The following UTRN variants were observed in gnomAD, a reference collection of about 807,000 sequenced individuals.
UTRN encodes the protein dystrophin-related protein 1.
Under a neutral mutation model 463.9 loss-of-function variants are expected in UTRN, and 283 were observed. That is an observed-to-expected ratio of 0.61 (90% confidence interval 0.55 to 0.67). The LOEUF is 0.67. Among genes scored for constraint, UTRN ranks in the 30% least tolerant of loss-of-function variants. UTRN has a pLI of 0.00. For synonymous variants in UTRN, 1,442 were observed against 1,431.5 expected, an observed-to-expected ratio of 1.01 and a Z score of -0.17; for missense variants, 3,922 against 4,084.3, an observed-to-expected ratio of 0.96 and a Z score of 1.08.
intron 2 of UTRN, among the ~76,000 whole-genome samples, chr6:144,331,692 A>C (rs932192033): frequency 1.3e-5 from 2 of 152,154 alleles, no homozygotes; most frequent in Admixed American, 1.3e-4. Flanking sequence ...GCAGGCTTTC[A>C]AACGCAGCGA....
intron 9 of UTRN, among the ~76,000 whole-genome samples, chr6:144,432,126 T>A (rs991059011): frequency 2.0e-4 from 31 of 152,218 alleles, no homozygotes; most frequent in African/African-American, 7.2e-4. Flanking sequence ...CCTAATGCTA[T>A]TTAAAGACTT....
At chr6:144,463,884 T>G (rs1052471998) in intron 23 of UTRN, among the ~76,000 whole-genome samples, 7 of 151,218 alleles carry the variant, frequency 4.6e-5, no homozygotes, top group African/African-American at 1.7e-4. Flanking sequence ...TCTATATATA[T>G]AGGGAGATGT....
At chr6:144,709,028 T>C (rs1785381276) in intron 53 of UTRN, among the ~76,000 whole-genome samples, 1 of 152,204 alleles carries the variant, frequency 6.6e-6, no homozygotes, top group Non-Finnish European at 1.5e-5. Context: ...ATTAGTCCAT[T>C]CATGAAGGTC....
At chr6:144,691,796 G>A (rs955241293) in intron 52 of UTRN, among the ~76,000 whole-genome samples, 3 of 152,000 alleles carry the variant, frequency 2.0e-5, no homozygotes, top group Non-Finnish European at 4.4e-5. Flanking sequence ...CTTAAAATTG[G>A]CATTGTGATT....
At chr6:144,516,475 A>G in intron 38 of UTRN, 88 bp downstream of exon 38, 1 of 1,399,258 alleles carries the variant, frequency 7.1e-7, no homozygotes, top group African/African-American at 1.5e-5. Context: ...TGCCCATATA[A>G]TCTGTCAAAC....
chr6:144,500,326 T>C (rs1332186490), intron 34 of UTRN, among the ~76,000 whole-genome samples: 1 of 152,230 alleles, frequency 6.6e-6, no homozygotes. Flanking sequence ...TGTGAGATGG[T>C]ATCTCATTGT....
intron 9 of UTRN, among the ~76,000 whole-genome samples, chr6:144,432,974 A>C (rs1236415807): frequency 6.6e-6 from 1 of 152,162 alleles, no homozygotes; most frequent in Non-Finnish European, 1.5e-5. Flanking sequence ...TGGACACAGC[A>C]CATGTTTCAG....
chr6:144,772,207 G>T (rs765705982), intron 59 of UTRN, among the ~76,000 whole-genome samples: 2 of 150,766 alleles, frequency 1.3e-5, no homozygotes, highest in Non-Finnish European at 3.0e-5. Flanking sequence ...CTAATTTTTC[G>T]TATTTTAATA....
intron 2 of UTRN, among the ~76,000 whole-genome samples, chr6:144,365,217 G>A (rs1779410413): frequency 6.6e-6 from 1 of 152,130 alleles, no homozygotes; most frequent in Admixed American, 6.5e-5. Flanking sequence ...GCTTTCTCCT[G>A]AAATAAATTT....
intron 44 of UTRN, among the ~76,000 whole-genome samples, chr6:144,538,981 G>A (rs1203201297): frequency 2.0e-5 from 3 of 152,140 alleles, no homozygotes; most frequent in Admixed American, 1.3e-4. Context: ...TTAGGATGGA[G>A]TAGCAAGGAG....
Position 144,301,071 on chromosome 6 carries a change from C to A in UTRN, c.79+9164C>A, listed in dbSNP as rs941011590. Among the ~76,000 whole-genome samples, 5 of 151,944 alleles carry A rather than the reference C, an allele frequency of 3.3e-5. No homozygotes were observed. The East Asian group carries it at 9.7e-4, about 29-fold the overall frequency. On this transcript the variant is annotated intron_variant, in intron 2 of 74. Transcript: ENST00000367545. ...AGCCCAGCTTTTTCGGTGGGGGGCT[C>A]ATAAATAAAACTGTGTGTGTTCTAG... is the stretch of plus-strand genomic sequence containing the variant.
chr6:144,596,304 G>C (rs1562624988), intron 51 of UTRN, among the ~76,000 whole-genome samples: 1 of 152,152 alleles, frequency 6.6e-6, no homozygotes, highest in East Asian at 1.9e-4. Flanking sequence ...GTGTCTTATG[G>C]TTTTTCCGAG....
intron 41 of UTRN, among the ~76,000 whole-genome samples, chr6:144,528,518 A>G (rs1796760272): frequency 6.6e-6 from 1 of 152,156 alleles, no homozygotes; most frequent in Non-Finnish European, 1.5e-5. Flanking sequence ...TCCTTCCCCT[A>G]GGGATGGGGC....
chr6:144,357,569 A>G (rs772597945), intron 2 of UTRN, among the ~76,000 whole-genome samples: 45 of 152,218 alleles, frequency 3.0e-4, no homozygotes, highest in Non-Finnish European at 6.0e-4. Context: ...TTTCCTATTA[A>G]CAGGATGAAG....
chr6:144,748,519 G>A lies in UTRN; in HGVS notation c.8208+5G>A, dbSNP rs1337327440. 1.5e-5 allele frequency: 24 copies of A among 1,607,336 alleles called. No homozygotes were observed. The highest frequency in any genetic ancestry group is 2.0e-5 in the Non-Finnish European group (24 of 1,177,634). On this transcript the variant is annotated splice_donor_5th_base_variant and intron_variant, in intron 55 of 74. Transcript: ENST00000367545. ...GATCACATTGAAAAAATCATGGTCA[G>A]CATCATTGTCTTTGAAGGATTTTTA...
chr6:144,773,213 A>G (rs1270480150), intron 59 of UTRN, among the ~76,000 whole-genome samples: 1 of 152,128 alleles, frequency 6.6e-6, no homozygotes, highest in African/African-American at 2.4e-5. Context: ...GATCTGCAAA[A>G]GGGCAGGAAA....
At chr6:144,329,186 G>A (rs1320465295) in intron 2 of UTRN, among the ~76,000 whole-genome samples, 1 of 151,042 alleles carries the variant, frequency 6.6e-6, no homozygotes, top group African/African-American at 2.4e-5. Context: ...GGGTTCAAGC[G>A]ATTCTCCTGC....
At chr6:144,401,192 A>T (rs1479040983) in intron 2 of UTRN, among the ~76,000 whole-genome samples, 5 of 151,990 alleles carry the variant, frequency 3.3e-5, no homozygotes, top group Non-Finnish European at 5.9e-5. Context: ...ACCTTTCTAT[A>T]TTTTTTTATT....
intron 2 of UTRN, among the ~76,000 whole-genome samples, chr6:144,367,580 G>A (rs911061952): frequency 2.0e-5 from 3 of 152,070 alleles, no homozygotes; most frequent in Non-Finnish European, 4.4e-5. Context: ...GGATTTTGTC[G>A]TAGACAAACA....
Sources: gnomAD v4.1 joint callset for allele counts (sites outside exome capture counted in the v4.1 genomes callset) on GRCh38, gnomAD v4.1.1 for gene constraint, MANE v1.5 for transcripts, NCBI Gene and HGNC (gene_info 2026-07-23, HGNC 2026-07-21) for gene names.